The following IRF2 variants were observed in gnomAD, a reference collection of about 807,000 sequenced individuals.
IRF2 encodes interferon regulatory factor 2.
IRF2 carries 15 observed loss-of-function variants against 40.6 expected under a neutral mutation model. The observed-to-expected ratio is 0.37, with a 90% CI of 0.25 to 0.57. IRF2 has a LOEUF of 0.57. IRF2 is among the 20% of genes least tolerant of loss of function. The pLI is 0.77. For missense variants in IRF2, 317 were observed against 455.7 expected, an observed-to-expected ratio of 0.70 and a Z score of 2.77; for synonymous variants, 151 against 165.5, an observed-to-expected ratio of 0.91 and a Z score of 0.67.
chr4:184,394,156 G>C (rs1237896366), intron 7 of IRF2, among the ~76,000 whole-genome samples: 2 of 152,176 alleles, frequency 1.3e-5, no homozygotes, highest in African/African-American at 4.8e-5. Flanking sequence ...AGTACCAACA[G>C]GCACATGAGT....
chr4:184,466,976 A>G (rs1739350618), intron 1 of IRF2, among the ~76,000 whole-genome samples: 1 of 152,212 alleles, frequency 6.6e-6, no homozygotes, highest in Non-Finnish European at 1.5e-5. Context: ...AGTCATGTGT[A>G]TGGCCCATTG....
At chr4:184,395,389 G>C (rs1736412586) in intron 7 of IRF2, among the ~76,000 whole-genome samples, 2 of 125,240 alleles carry the variant, frequency 1.6e-5, no homozygotes, top group African/African-American at 6.2e-5. Context: ...CTCCAGCCTG[G>C]GCGACAGAGC....
At chr4:184,442,800 A>G (rs542899615) in intron 1 of IRF2, among the ~76,000 whole-genome samples, 1 of 148,806 alleles carries the variant, frequency 6.7e-6, no homozygotes, top group East Asian at 2.0e-4. Context: ...CCTTTCTCCA[A>G]CCTACTTAAA....
At chr4:184,428,072 C>T (rs1442385596) in intron 2 of IRF2, among the ~76,000 whole-genome samples, 1 of 152,046 alleles carries the variant, frequency 6.6e-6, no homozygotes, top group Non-Finnish European at 1.5e-5. Context: ...TCTGATTCAC[C>T]CCTAACAGCT....
At chr4:184,456,563 G>T (rs959239293) in intron 1 of IRF2, among the ~76,000 whole-genome samples, 1 of 152,246 alleles carries the variant, frequency 6.6e-6, no homozygotes, top group African/African-American at 2.4e-5. Context: ...GGTCCCTGCC[G>T]ACTGAGCGGA....
chr4:184,408,382 T>G lies in IRF2; in HGVS notation c.412-107A>C. 1 of 738,530 alleles carries G rather than the reference T, an allele frequency of 1.4e-6. No individual in the cohort carries two copies. Among genetic ancestry groups the G allele is most frequent in the Non-Finnish European group, 2.4e-6 (1 of 420,704 alleles). 45.7% of individuals were successfully genotyped at this position (738,530 alleles called of 1,614,324 possible). A position where few individuals can be genotyped will look rare whatever the true frequency, so the allele number is the denominator to read the frequency against. ...CTTTCTTTAATGCTAGGGTCATTCA[T>G]GTTCAGCTGCCGAATACATTCATCC... On this transcript the variant is annotated intron_variant, in intron 5 of 8. Transcript: ENST00000393593. The surrounding 1 kb of genome is among the most constrained non-coding windows in gnomAD (Gnocchi z 4.9).
In IRF2 at chr4:184,418,206, T is replaced by A. The variant is rs1737351441; in HGVS notation, c.372A>T (p.Lys124Asn). 1 of 1,613,514 alleles carries A rather than the reference T, an allele frequency of 6.2e-7. No individual in the cohort carries two copies. The highest frequency in any genetic ancestry group is 1.3e-5 in the African/African-American group (1 of 74,916). ...LSERPSKKGK[K>N]PKTEKEDKVK... is the part of the protein sequence containing the mutation. ...CTTTGTCTTCTTTTTCTGTCTTTGG[T>A]TTCTTTCCTGTGGCAACAAAAATGT... Residue 124 changes from lysine to asparagine, a missense_variant, in exon 5 of 9, where the codon AAA (lysine) becomes AAT (asparagine). This residue lies in a region of IRF2 where 262 missense variants were observed against 334.0 expected (regional missense o/e 0.78). Coordinates refer to ENST00000393593, the MANE Select transcript of IRF2 (RefSeq NM_002199.4).
chr4:184,420,251 C>T lies in IRF2; in HGVS notation c.88-683G>A, dbSNP rs12647063. Among the ~76,000 whole-genome samples the T allele has an allele frequency of 1.9e-4, 29 of 152,254 alleles. No homozygotes were observed. In the East Asian group the frequency reaches 4.8e-3, roughly 25 times the overall value. ...GCTTACTCTTATAATTTATTCTCGT[C>T]GTTTGGTAAATAGTAACTCCAGCTA... On this transcript the variant is annotated intron_variant, in intron 2 of 8. Transcript: ENST00000393593.
chr4:184,429,733 C>T (rs1561106887), intron 1 of IRF2, among the ~76,000 whole-genome samples: 1 of 152,132 alleles, frequency 6.6e-6, no homozygotes, highest in Non-Finnish European at 1.5e-5. Context: ...CCAGCCTCCC[C>T]GCTGACCTGA....
chr4:184,464,641 C>T (rs1041826813), intron 1 of IRF2, among the ~76,000 whole-genome samples: 3 of 152,104 alleles, frequency 2.0e-5, no homozygotes, highest in African/African-American at 4.8e-5. Flanking sequence ...CTAATCTCCT[C>T]AAGAGGACCA....
At chr4:184,424,591 C>T (rs936457453) in intron 2 of IRF2, among the ~76,000 whole-genome samples, 1 of 152,210 alleles carries the variant, frequency 6.6e-6, no homozygotes, top group African/African-American at 2.4e-5. Flanking sequence ...TGATATCCTG[C>T]ACTGCCTCAG....
In IRF2 at chr4:184,391,128, A is replaced by C. The variant is rs545376888; in HGVS notation, c.695-379T>G. Among the ~76,000 whole-genome samples the C allele has an allele frequency of 5.9e-5, 9 of 152,340 alleles. No homozygotes were observed. In the East Asian group the frequency reaches 1.5e-3, roughly 26 times the overall value. ...TCCCAGTGCAGAGTTGACCGTTTCC[A>C]AAAGGTCTTCCTACATTATCCCCAT... On this transcript the variant is annotated intron_variant, in intron 7 of 8. Coordinates refer to ENST00000393593, the MANE Select transcript of IRF2 (RefSeq NM_002199.4).
chr4:184,458,021 C>T lies in IRF2; in HGVS notation c.-7+16358G>A, dbSNP rs78584762. 4.5e-4 allele frequency among the ~76,000 whole-genome samples: 68 copies of T among 152,254 alleles called. 1 individual carries two copies. Among genetic ancestry groups the T allele is most frequent in the Middle Eastern group, 3.4e-3 (1 of 294 alleles). ...TGGAGAGTGGTCCATGCACCAGGAACGGAAGAAACTGTCAACCCTTCATGT... is the reference window on the plus strand; with the variant it reads ...TGGAGAGTGGTCCATGCACCAGGAATGGAAGAAACTGTCAACCCTTCATGT... On this transcript the variant is annotated intron_variant, in intron 1 of 8. Coordinates refer to ENST00000393593, the MANE Select transcript of IRF2 (RefSeq NM_002199.4).
At chr4:184,473,759 T>A (rs1310613482) in intron 1 of IRF2, among the ~76,000 whole-genome samples, 1 of 149,064 alleles carries the variant, frequency 6.7e-6, no homozygotes, top group African/African-American at 2.5e-5. Flanking sequence ...CCTCTGGCCG[T>A]GGCTGGAGGC....
At position 184,418,606 on chromosome 4, in the gene IRF2, T is replaced by G; in HGVS notation, c.290A>C (p.Lys97Thr). The change falls in exon 4 of 9, where the codon AAA (lysine) becomes ACA (threonine). Residue 97 changes from lysine to threonine, a missense_variant. Physicochemically the swap from Lys to Thr is moderately conservative, Grantham distance 78 (BLOSUM62 -1). Transcript: ENST00000393593. ...SLPDIEEVKD[K>T]SIKKGNNAFR... is the part of the protein sequence containing the mutation. ...GGCATTATTTCCTTTCTTTATGCTTTTATCCTTGACTTCTTCAATATCAGG... is the reference window on the plus strand; with the variant it reads ...GGCATTATTTCCTTTCTTTATGCTTGTATCCTTGACTTCTTCAATATCAGG... 6.2e-7 allele frequency: 1 copy of G among 1,614,228 alleles called. No individual in the cohort carries two copies.
rs34566726 is a variant in IRF2, at chr4:184,395,412, C to CAAAAAAAAA, written c.694+3494_694+3502dup. Reference sequence around the variant, plus strand: ...TGGGCGACAGAGCGAGACTCCGTCTCAAAAAAAAAAAAAAAAAAAAAAAGG... The same window carrying CAAAAAAAAA: ...TGGGCGACAGAGCGAGACTCCGTCTCAAAAAAAAAAAAAAAAAAAAAAAAAAAAAAAAGG... On this transcript the variant is annotated intron_variant, in intron 7 of 8. Transcript: ENST00000393593. 6.0e-5 allele frequency among the ~76,000 whole-genome samples: 4 copies of CAAAAAAAAA among 67,094 alleles called. 1 individual carries two copies. Among genetic ancestry groups the CAAAAAAAAA allele is most frequent in the African/African-American group, 1.2e-4 (2 of 17,356 alleles). The allele number at this position is 67,094 out of a possible 152,430, so 44.0% of individuals were successfully genotyped here.
At chr4:184,429,423 C>T (rs3822118) in intron 1 of IRF2, among the ~76,000 whole-genome samples, 49,428 of 151,982 alleles carry the variant, frequency 0.33, 8,369 homozygotes, top group East Asian at 0.43. Context: ...GAGGCCCCAA[C>T]GCCTTTGGGG....
chr4:184,410,765 A>T (rs2149897428), intron 5 of IRF2, among the ~76,000 whole-genome samples: 2 of 152,368 alleles, frequency 1.3e-5, no homozygotes, highest in African/African-American at 4.8e-5. Flanking sequence ...TTAAAAAGCT[A>T]AATTAATTCT....
chr4:184,429,337 C>G (rs1033027400), intron 1 of IRF2, among the ~76,000 whole-genome samples: 2 of 152,316 alleles, frequency 1.3e-5, no homozygotes, highest in Non-Finnish European at 2.9e-5. Flanking sequence ...AGGACCCACA[C>G]TCCTCCCCAG....
Sources: allele counts gnomAD v4.1 joint callset (sites outside exome capture counted in the v4.1 genomes callset), GRCh38; gene constraint gnomAD v4.1.1; regional missense constraint gnomAD v4.1.1; non-coding constraint Gnocchi (gnomAD v3.1); transcripts MANE v1.5; gene names NCBI Gene and HGNC (gene_info 2026-07-23, HGNC 2026-07-21).